Variants in PRKN observed in about 807,000 individuals in gnomAD.
The protein encoded by PRKN is parkin RBR E3 ubiquitin protein ligase.
Under a neutral mutation model 59.5 loss-of-function variants are expected in PRKN, and 56 were observed. That is an observed-to-expected ratio of 0.94 (90% CI 0.76 to 1.18). PRKN has a LOEUF of 1.18. PRKN is among the 50% of genes most tolerant of loss of function. The pLI, the probability that PRKN is intolerant of heterozygous loss-of-function variation, is 0.00. For missense variants in PRKN, 657 were observed against 596.4 expected (o/e 1.10, Z -1.06); for synonymous variants, 250 against 222.1 (o/e 1.13, Z -1.12).
At position 161,785,761 on chromosome 6, in the gene PRKN, G is replaced by T; in HGVS notation, c.871+11C>A. The T allele has an allele frequency of 6.2e-7, 1 of 1,613,450 alleles. No individual in the cohort carries two copies. The highest frequency in any genetic ancestry group is 8.5e-7 in the Non-Finnish European group (1 of 1,179,602). The stretch of plus-strand genomic sequence containing the variant: ...AGCATTAGAGATGGAGAGAAAACAT[G>T]CTAGACTTACCCACACAAGGCAGGG... On this transcript the variant is annotated intron_variant, in intron 7 of 11. Transcript: ENST00000366898.
At chr6:162,532,009 T>G (rs1425707814) in intron 1 of PRKN, among the ~76,000 whole-genome samples, 1 of 152,022 alleles carries the variant, frequency 6.6e-6, no homozygotes, top group Non-Finnish European at 1.5e-5. Flanking sequence ...GTAAACCTTC[T>G]AACATTCTTT....
chr6:161,548,754 A>T lies in PRKN; in HGVS notation c.1083+100T>A. On this transcript the variant is annotated intron_variant, in intron 9 of 11. Coordinates refer to ENST00000366898, the MANE Select transcript of PRKN (RefSeq NM_004562.3). This position sits in a 1 kb window ranked among gnomAD's most constrained non-coding sequence, Gnocchi z 4.2. The stretch of plus-strand genomic sequence containing the variant: ...TGTAAGTTCAAAGATGTCTAAGTCC[A>T]AAGGGAAAATGAAAATAAAATAAAA... The T allele has an allele frequency of 8.6e-7, 1 of 1,156,664 alleles. No homozygotes were observed. The highest frequency in any genetic ancestry group is 1.3e-6 in the Non-Finnish European group (1 of 791,236). The allele number at this position is 1,156,664 out of a possible 1,614,324, so 71.7% of individuals were successfully genotyped here. A position where few individuals can be genotyped will look rare whatever the true frequency, so the allele number is the denominator to read the frequency against.
At chr6:161,614,263 G>A (rs1265763420) in intron 7 of PRKN, among the ~76,000 whole-genome samples, 1 of 152,134 alleles carries the variant, frequency 6.6e-6, no homozygotes, top group African/African-American at 2.4e-5. Flanking sequence ...CATAACTAGA[G>A]GACAGAATCT....
rs1781453170 is a variant in PRKN at position 161,584,471 on chromosome 6, T to C, written c.872-15055A>G. Among the ~76,000 whole-genome samples, 1 of 152,258 alleles carries C rather than the reference T, an allele frequency of 6.6e-6. No homozygotes were observed. The highest frequency in any genetic ancestry group is 6.5e-5 in the Admixed American group (1 of 15,288). On this transcript the variant is annotated intron_variant, in intron 7 of 11. Coordinates refer to ENST00000366898, the MANE Select transcript of PRKN (RefSeq NM_004562.3). This position sits in a 1 kb window ranked among gnomAD's most constrained non-coding sequence, Gnocchi z 4.8. ...AATAGTTCTTCTATTATAATCTTCATGTGCCAAATTGGGGGAAAAAACCTT... is the reference window on the plus strand; with the variant it reads ...AATAGTTCTTCTATTATAATCTTCACGTGCCAAATTGGGGGAAAAAACCTT...
At chr6:162,180,869 T>C (rs1020267437) in intron 4 of PRKN, among the ~76,000 whole-genome samples, 1 of 152,126 alleles carries the variant, frequency 6.6e-6, no homozygotes, top group Non-Finnish European at 1.5e-5. Context: ...TCCCCATATA[T>C]TAACTGGACA....
chr6:161,547,452 C>G lies in PRKN; in HGVS notation c.1083+1402G>C, dbSNP rs190457382. Among the ~76,000 whole-genome samples, 2 of 152,226 alleles carry G rather than the reference C, an allele frequency of 1.3e-5. No homozygotes were observed. Among genetic ancestry groups the G allele is most frequent in the East Asian group, 3.9e-4 (2 of 5,186 alleles). On this transcript the variant is annotated intron_variant, in intron 9 of 11. Transcript: ENST00000366898. This position sits in a 1 kb window ranked among gnomAD's most constrained non-coding sequence, Gnocchi z 4.0. ...TTCAAGATTTCACATTACATAAACC[C>G]TTCAACATTCTTAAAGCAAGGTCAA...
chr6:162,032,948 T>C (rs1783696626), intron 5 of PRKN, among the ~76,000 whole-genome samples: 1 of 152,210 alleles, frequency 6.6e-6, no homozygotes, highest in African/African-American at 2.4e-5. Context: ...CACTCCTGAT[T>C]GGGACTGTAA....
At chr6:161,772,105 C>T (rs529906992) in intron 7 of PRKN, among the ~76,000 whole-genome samples, 11 of 152,188 alleles carry the variant, frequency 7.2e-5, no homozygotes, top group South Asian at 2.1e-4. Flanking sequence ...TCTGAATAGA[C>T]GCCTGTGGGT....
At chr6:161,968,662 TAC>T (rs1780679683) in intron 6 of PRKN, among the ~76,000 whole-genome samples, 1 of 152,170 alleles carries the variant, frequency 6.6e-6, no homozygotes, top group African/African-American at 2.4e-5. Flanking sequence ...GTATGATTAA[TAC>T]ATATATATAC....
At chr6:162,286,458 C>T (rs1041131386) in intron 2 of PRKN, among the ~76,000 whole-genome samples, 2 of 152,190 alleles carry the variant, frequency 1.3e-5, no homozygotes, top group African/African-American at 4.8e-5. Context: ...ATTTCCAACT[C>T]ATTTTCATAC....
intron 6 of PRKN, among the ~76,000 whole-genome samples, chr6:161,965,530 CTG>C (rs1780545178): frequency 1.3e-5 from 2 of 151,994 alleles, no homozygotes; most frequent in Non-Finnish European, 1.5e-5. Flanking sequence ...GAGTCAAACT[CTG>C]TAAAATATTT....
chr6:161,505,642 G>C lies in PRKN; in HGVS notation c.1083+43212C>G, dbSNP rs1163865154. Among the ~76,000 whole-genome samples, 6 of 150,456 alleles carry C rather than the reference G, an allele frequency of 4.0e-5. No homozygotes were observed. The South Asian group carries it at 1.3e-3, about 32-fold the overall frequency. On this transcript the variant is annotated intron_variant, in intron 9 of 11. Transcript: ENST00000366898. ...TGGTAATGCTTAGGTTTTCTTCTAG[G>C]GTTTTTATGGTTTTAGGTCTAACGT...
chr6:162,096,519 G>T (rs1337976532), intron 4 of PRKN, among the ~76,000 whole-genome samples: 1 of 152,142 alleles, frequency 6.6e-6, no homozygotes. Context: ...ATCCTGAATT[G>T]TAGCTCCCAT....
intron 2 of PRKN, among the ~76,000 whole-genome samples, chr6:162,416,322 G>A (rs943965097): frequency 2.0e-5 from 3 of 152,120 alleles, no homozygotes; most frequent in Admixed American, 6.5e-5. Context: ...CAAGATAATC[G>A]TAGCAGAGCA....
At chr6:162,389,007 G>GAAAAAAAAAA (rs71278564) in intron 2 of PRKN, among the ~76,000 whole-genome samples, 2 of 104,154 alleles carry the variant, frequency 1.9e-5, no homozygotes, top group Non-Finnish European at 3.8e-5. Flanking sequence ...AGTTCCTCCA[G>GAAAAAAAAAA]AAAAAAAAAA....
At chr6:161,514,665 G>C (rs976174276) in intron 9 of PRKN, among the ~76,000 whole-genome samples, 2 of 152,090 alleles carry the variant, frequency 1.3e-5, no homozygotes, top group African/African-American at 4.8e-5. Context: ...CTGATGATTA[G>C]AGGCTGGTAT....
rs139972662 is a variant in PRKN at position 161,976,955 on chromosome 6, A to G, written c.619-3538T>C. ...TTATTGGGGGTAGGTGTTTATAGAT[A>G]ATGGTTTAAGAAATTACAGATAGTT... On this transcript the variant is annotated intron_variant, in intron 5 of 11. Transcript: ENST00000366898. Among the ~76,000 whole-genome samples, 195 of 152,340 alleles carry G rather than the reference A, an allele frequency of 1.3e-3. 1 individual carries two copies. The Middle Eastern group carries it at 0.027, about 21-fold the overall frequency.
chr6:162,379,993 A>G (rs935300823), intron 2 of PRKN, among the ~76,000 whole-genome samples: 9 of 152,162 alleles, frequency 5.9e-5, no homozygotes, highest in Admixed American at 5.2e-4. Flanking sequence ...TGCGGGACTC[A>G]CTTGTGCATA....
At chr6:161,421,943 A>C (rs560870963) in intron 9 of PRKN, among the ~76,000 whole-genome samples, 2 of 152,306 alleles carry the variant, frequency 1.3e-5, no homozygotes, top group East Asian at 3.9e-4. Context: ...GAATTTCAGA[A>C]GTAAAGAATT....
Sources: allele counts gnomAD v4.1 joint callset (sites outside exome capture counted in the v4.1 genomes callset), GRCh38; gene constraint gnomAD v4.1.1; non-coding constraint Gnocchi (gnomAD v3.1); transcripts MANE v1.5; gene names NCBI Gene and HGNC (gene_info 2026-07-23, HGNC 2026-07-21).